Variants in SRBD1 observed in about 807,000 individuals in gnomAD.
SRBD1 encodes S1 RNA-binding domain-containing protein 1.
In SRBD1, 88 loss-of-function variants were observed where a neutral mutation model predicts 115.3. The observed-to-expected ratio is 0.76, with a 90% confidence interval of 0.64 to 0.91. The LOEUF (loss-of-function observed/expected upper bound fraction) is 0.91, where lower values mean the gene tolerates loss of function less well. SRBD1 is among the 40% of genes least tolerant of loss of function. SRBD1 has a pLI of 0.00. For missense variants in SRBD1, 1,385 were observed against 1,177.4 expected (o/e 1.18, Z -2.58); for synonymous variants, 509 against 407.7 (o/e 1.25, Z -2.99).
rs751947265 is a variant in SRBD1, at chr2:45,389,345, A to G, written c.2953T>C (p.Ser985Pro). ...CGAATGAGGTCCAGAGTAATCCTAG[A>G]TCGGGGGATGTCAATGTTGAGTACT... ...VQVLNIDIPR[S>P]RITLDLIRVL Residue 985 changes from serine to proline, a missense_variant, in exon 21 of 21, where the codon TCT becomes CCT. Physicochemically the swap from Ser to Pro is moderately conservative, Grantham distance 74. Transcript: ENST00000263736. 3.1e-6 allele frequency: 5 copies of G among 1,613,888 alleles called. No homozygotes were observed. Among genetic ancestry groups the G allele is most frequent in the African/African-American group, 1.3e-5 (1 of 74,918 alleles).
chr2:45,548,824 C>G (rs1357696849), intron 12 of SRBD1, among the ~76,000 whole-genome samples: 1 of 151,648 alleles, frequency 6.6e-6, no homozygotes. Flanking sequence ...ATATCTAGAA[C>G]ATAGATAAAA....
rs1340997064 is a variant in SRBD1 at position 45,496,761 on chromosome 2, C to T, written c.1875-8430G>A. Among the ~76,000 whole-genome samples, 3 of 152,200 alleles carry T rather than the reference C, an allele frequency of 2.0e-5. No homozygotes were observed. The East Asian group carries it at 5.8e-4, about 29-fold the overall frequency. ...TCTACTTTCCTCTGAACTTATACCT[C>T]AGCAGGAGTCACCACTATCCAGTCA... On this transcript the variant is annotated intron_variant, in intron 14 of 20. Coordinates refer to ENST00000263736, the MANE Select transcript of SRBD1 (RefSeq NM_018079.5).
intron 12 of SRBD1, among the ~76,000 whole-genome samples, chr2:45,550,305 G>C (rs1390465059): frequency 6.6e-6 from 1 of 152,084 alleles, no homozygotes; most frequent in Non-Finnish European, 1.5e-5. Flanking sequence ...CAAACCCTAA[G>C]TGGAATTCAT....
chr2:45,545,088 G>C (rs1020113714), intron 14 of SRBD1, among the ~76,000 whole-genome samples: 3 of 151,804 alleles, frequency 2.0e-5, no homozygotes, highest in African/African-American at 7.3e-5. Flanking sequence ...AGATCATCCT[G>C]GCTAACACGG....
At chr2:45,463,833 T>C (rs1372538531) in intron 16 of SRBD1, among the ~76,000 whole-genome samples, 3 of 152,090 alleles carry the variant, frequency 2.0e-5, no homozygotes, top group Admixed American at 6.5e-5. Context: ...CATCCACACA[T>C]AACCAGTACA....
chr2:45,439,730 A>T (rs542275139), intron 16 of SRBD1, among the ~76,000 whole-genome samples: 1 of 151,894 alleles, frequency 6.6e-6, no homozygotes, highest in Non-Finnish European at 1.5e-5. Flanking sequence ...AAAAGCAAAA[A>T]TTGTCTATAA....
intron 7 of SRBD1, among the ~76,000 whole-genome samples, chr2:45,575,117 G>A (rs935836495): frequency 1.3e-5 from 2 of 152,076 alleles, no homozygotes; most frequent in African/African-American, 4.8e-5. Context: ...GATGTTATGG[G>A]AAATATATAT....
intron 14 of SRBD1, chr2:45,546,309 A>G: frequency 1.0e-6 from 1 of 985,464 alleles, no homozygotes; most frequent in Non-Finnish European, 1.2e-6. Flanking sequence ...TTAATTCATA[A>G]TACTTACCTT....
At chr2:45,464,614 A>G (rs1669424284) in intron 16 of SRBD1, among the ~76,000 whole-genome samples, 1 of 152,204 alleles carries the variant, frequency 6.6e-6, no homozygotes, top group South Asian at 2.1e-4. Flanking sequence ...CTCAGCTTTG[A>G]GACAGATTAC....
rs1348656849 is a variant in SRBD1 at position 45,419,770 on chromosome 2, G to A, written c.2156+18C>T. ...TAAACTCAAGATTCTGTGATCTTCA[G>A]CCACATATTTGTCTCACCTTAACAA... is the stretch of plus-strand genomic sequence containing the variant. On this transcript the variant is annotated intron_variant, in intron 17 of 20. Transcript: ENST00000263736. 2 of 1,606,440 alleles carry A rather than the reference G, an allele frequency of 1.2e-6. No homozygotes were observed. Among genetic ancestry groups the A allele is most frequent in the South Asian group, 1.1e-5 (1 of 90,892 alleles).
In SRBD1 at chr2:45,426,161, G is replaced by C. The variant is rs997524412; in HGVS notation, c.2050-6267C>G. 2.6e-5 allele frequency among the ~76,000 whole-genome samples: 4 copies of C among 152,266 alleles called. No homozygotes were observed. The East Asian group carries it at 5.8e-4, about 22-fold the overall frequency. ...CAACCTGGGATGCTAGAGCTTGGTG[G>C]GGGGAGAGGCACCCATCATTACTGA... On this transcript the variant is annotated intron_variant, in intron 16 of 20. Transcript: ENST00000263736.
At chr2:45,499,136 T>C (rs773913626) in intron 14 of SRBD1, among the ~76,000 whole-genome samples, 12 of 152,202 alleles carry the variant, frequency 7.9e-5, no homozygotes, top group South Asian at 2.1e-4. Context: ...TGTTCACATT[T>C]CTCCACATTC....
intron 16 of SRBD1, among the ~76,000 whole-genome samples, chr2:45,453,737 C>G (rs906020205): frequency 3.3e-5 from 5 of 151,842 alleles, no homozygotes; most frequent in African/African-American, 1.2e-4. Context: ...CACTGCAAAT[C>G]TGATGAAAAA....
At chr2:45,519,931 C>T (rs191173290) in intron 14 of SRBD1, among the ~76,000 whole-genome samples, 1 of 152,170 alleles carries the variant, frequency 6.6e-6, no homozygotes, top group African/African-American at 2.4e-5. Context: ...GTAACCAAAC[C>T]AAGACCAAAA....
At chr2:45,545,283 TAAAAA>T (rs56909656) in intron 14 of SRBD1, among the ~76,000 whole-genome samples, 4 of 68,572 alleles carry the variant, frequency 5.8e-5, no homozygotes, top group African/African-American at 1.4e-4. Context: ...CTGTCTCAAT[TAAAAA>T]AAAAAAAAAA....
chr2:45,562,611 G>A (rs1672703459), intron 10 of SRBD1, 42 bp downstream of exon 10: 3 of 1,443,954 alleles, frequency 2.1e-6, no homozygotes, highest in Non-Finnish European at 2.8e-6. Context: ...TCATATTTTA[G>A]AAAAGAAACA....
intron 16 of SRBD1, among the ~76,000 whole-genome samples, chr2:45,436,415 A>G (rs532790966): frequency 6.6e-6 from 1 of 152,352 alleles, no homozygotes; most frequent in Admixed American, 6.5e-5. Flanking sequence ...TAATGCAGTA[A>G]GAAAAGAAAA....
At chr2:45,400,539 A>C (rs1667265028) in intron 19 of SRBD1, among the ~76,000 whole-genome samples, 1 of 152,082 alleles carries the variant, frequency 6.6e-6, no homozygotes. Context: ...TAACAATGTT[A>C]AATGTCTCAA....
At chr2:45,526,807 T>G (rs923057955) in intron 14 of SRBD1, among the ~76,000 whole-genome samples, 4 of 151,374 alleles carry the variant, frequency 2.6e-5, no homozygotes, top group Admixed American at 1.3e-4. Context: ...GGAAGAAAAA[T>G]CAAGTTATAG....
Sources: allele counts gnomAD v4.1 joint callset (sites outside exome capture counted in the v4.1 genomes callset), GRCh38; gene constraint gnomAD v4.1.1; transcripts MANE v1.5; gene names NCBI Gene and HGNC (gene_info 2026-07-23, HGNC 2026-07-21).